The following FBLN7 variants were observed in gnomAD, a reference collection of about 807,000 sequenced individuals.
The protein encoded by FBLN7 is fibulin 7.
In FBLN7, 31 loss-of-function variants were observed where a neutral mutation model predicts 44.0. The observed-to-expected ratio is 0.70, with a 90% CI of 0.53 to 0.95. The LOEUF (loss-of-function observed/expected upper bound fraction) is 0.95, where lower values mean the gene tolerates loss of function less well. FBLN7 is among the 40% of genes least tolerant of loss of function. The probability of loss-of-function intolerance (pLI) is 0.00; values close to 1 mark genes in which losing one functional copy is unlikely to be tolerated. For missense variants in FBLN7, 573 were observed against 618.5 expected (o/e 0.93, Z 0.78); for synonymous variants, 262 against 253.4 (o/e 1.03, Z -0.32).
rs908255596 is a variant in FBLN7 at position 112,143,841 on chromosome 2, G to A, written c.75+5111G>A. Among the ~76,000 whole-genome samples the A allele has an allele frequency of 7.2e-5, 11 of 152,060 alleles. No individual in the cohort carries two copies. The East Asian group carries it at 7.8e-4, about 11-fold the overall frequency. ...CAAGCAATCCTCCCATCTCAGCCTCGTAAAGTGCTGGGATTATAGCTGTGA... is the reference window on the plus strand; with the variant it reads ...CAAGCAATCCTCCCATCTCAGCCTCATAAAGTGCTGGGATTATAGCTGTGA... On this transcript the variant is annotated intron_variant, in intron 1 of 7. Transcript: ENST00000331203.
intron 1 of FBLN7, among the ~76,000 whole-genome samples, chr2:112,139,747 T>C (rs550720218): frequency 2.1e-3 from 8 of 3,800 alleles, no homozygotes; most frequent in African/African-American, 3.2e-3. Context: ...TCTCTCCAGG[T>C]CAGTGTCCCT....
chr2:112,144,774 C>G (rs1192869064), intron 1 of FBLN7, among the ~76,000 whole-genome samples: 2 of 152,174 alleles, frequency 1.3e-5, no homozygotes, highest in Non-Finnish European at 2.9e-5. Flanking sequence ...ATCCACCCGC[C>G]TCGGCCTCCC....
intron 1 of FBLN7, among the ~76,000 whole-genome samples, chr2:112,154,668 C>G (rs1681326841): frequency 6.6e-6 from 1 of 152,208 alleles, no homozygotes; most frequent in South Asian, 2.1e-4. Flanking sequence ...GGCTTCCTGT[C>G]CATCCCATAG....
intron 2 of FBLN7, among the ~76,000 whole-genome samples, chr2:112,160,682 G>A (rs62158708): frequency 7.4e-6 from 1 of 134,462 alleles, no homozygotes; most frequent in Non-Finnish European, 1.6e-5. Flanking sequence ...ACACGCAGAC[G>A]CACGCACACG....
intron 1 of FBLN7, among the ~76,000 whole-genome samples, chr2:112,156,043 G>A (rs1681400277): frequency 6.6e-6 from 1 of 152,188 alleles, no homozygotes; most frequent in African/African-American, 2.4e-5. Context: ...TAGCGCAGGA[G>A]GCAGCTGTTC....
At chr2:112,159,373 TAGAG>T (rs766131821) in intron 1 of FBLN7, among the ~76,000 whole-genome samples, 9 of 152,196 alleles carry the variant, frequency 5.9e-5, no homozygotes, top group Non-Finnish European at 1.0e-4. Flanking sequence ...AGTGAAGAAT[TAGAG>T]AGAATCTCTC....
At chr2:112,242,849 T>C in the FBLN7 span, among the ~76,000 whole-genome samples, 1 of 152,234 alleles carries the variant, frequency 6.6e-6, no homozygotes, top group Non-Finnish European at 1.5e-5. Context: ...TCCACAGATC[T>C]TTCCAAAAAT....
chr2:112,234,091 A>T, the FBLN7 span: 1 of 1,263,626 alleles, frequency 7.9e-7, no homozygotes, highest in Non-Finnish European at 1.1e-6. Context: ...TTTACATTTT[A>T]GTAGATTTTT....
In FBLN7 at chr2:112,182,983, C is replaced by G. The variant is rs572352470; in HGVS notation, c.808+55C>G. 2.3e-5 allele frequency: 36 copies of G among 1,590,656 alleles called. No homozygotes were observed. In the East Asian group the frequency reaches 7.7e-4, roughly 34 times the overall value. ...CCCAGCCACCTGCTGCTGTGCTGAA[C>G]CCCCAGGACCTCACAGTCGGGAGTG... On this transcript the variant is annotated intron_variant, in intron 6 of 7. Coordinates refer to ENST00000331203, the MANE Select transcript of FBLN7 (RefSeq NM_153214.3).
the FBLN7 span, chr2:112,240,420 T>G: frequency 7.2e-5 from 11 of 152,342 alleles, no homozygotes; most frequent in African/African-American, 2.6e-4. Context: ...CCAAAAAGAT[T>G]ATTCAGTATG....
chr2:112,199,875 G>C, the FBLN7 span, among the ~76,000 whole-genome samples: 1 of 152,174 alleles, frequency 6.6e-6, no homozygotes, highest in African/African-American at 2.4e-5. Flanking sequence ...TGGCTCTCCT[G>C]CTGTTGCCCT....
rs200869048 is a variant in FBLN7, at chr2:112,162,917, TA to T, written c.236-2075del. The stretch of plus-strand genomic sequence containing the variant: ...CTTTAACGCAATAAAGTACTAGATG[TA>T]AAAAAAAAGAACTATAAAGTAATTT... On this transcript the variant is annotated intron_variant, in intron 2 of 7. Transcript: ENST00000331203. Among the ~76,000 whole-genome samples the T allele has an allele frequency of 7.9e-5, 12 of 151,246 alleles. No homozygotes were observed. In the East Asian group the frequency reaches 1.5e-3, roughly 20 times the overall value.
chr2:112,238,642 G>A, the FBLN7 span: 1 of 764,676 alleles, frequency 1.3e-6, no homozygotes, highest in Non-Finnish European at 2.1e-6. Context: ...GTGGGTAATA[G>A]GTACATGGGA....
Position 112,187,631 on chromosome 2 carries a change from T to G in FBLN7, c.*125T>G. ...CGCCCTCTCACCAGTGCACCCAGGC[T>G]TCTAGGGCAGCGTTGCACGGCGCCC... On this transcript the variant is annotated 3_prime_UTR_variant, in exon 8 of 8. Coordinates refer to ENST00000331203, the MANE Select transcript of FBLN7 (RefSeq NM_153214.3). This position sits in a 1 kb window ranked among gnomAD's most constrained non-coding sequence, Gnocchi z 5.1. 1 of 1,365,854 alleles carries G rather than the reference T, an allele frequency of 7.3e-7. No homozygotes were observed. 84.6% of individuals were successfully genotyped at this position (1,365,854 alleles called of 1,614,324 possible).
the FBLN7 span, among the ~76,000 whole-genome samples, chr2:112,204,527 T>C: frequency 2.0e-5 from 3 of 151,760 alleles, no homozygotes; most frequent in Non-Finnish European, 2.9e-5. Context: ...GGTCAAACTG[T>C]TGAAAGTCAA....
chr2:112,210,646 A>G, the FBLN7 span, among the ~76,000 whole-genome samples: 1 of 108,254 alleles, frequency 9.2e-6, no homozygotes, highest in Non-Finnish European at 1.8e-5. Flanking sequence ...ACAGAGTGAG[A>G]CTCTGTCTCA....
Position 112,165,069 on chromosome 2 carries a change from G to C in FBLN7, c.304G>C (p.Glu102Gln). ...KFGSKYLVDH[E>Q]VHFTCNPGFR... ...TGGAAGCAAGTACTTAGTGGATCAC[G>C]AAGTCCATTTTACCTGCAACCCTGG... is the stretch of plus-strand genomic sequence containing the variant. Residue 102 changes from glutamate (E) to glutamine (Q), a missense_variant, in exon 3 of 8, where the codon GAA becomes CAA. Glu to Gln is a conservative substitution (Grantham distance 29, BLOSUM62 2). Coordinates refer to ENST00000331203, the MANE Select transcript of FBLN7 (RefSeq NM_153214.3). 2 of 1,614,154 alleles carry C rather than the reference G, an allele frequency of 1.2e-6. No individual in the cohort carries two copies. The highest frequency in any genetic ancestry group is 1.7e-6 in the Non-Finnish European group (2 of 1,180,022).
the FBLN7 span, among the ~76,000 whole-genome samples, chr2:112,202,803 G>A: frequency 6.6e-6 from 1 of 152,140 alleles, no homozygotes; most frequent in Non-Finnish European, 1.5e-5. Context: ...GTACCTACTA[G>A]TCACTGGAGT....
chr2:112,219,611 TTTC>T, the FBLN7 span, among the ~76,000 whole-genome samples: 7 of 152,200 alleles, frequency 4.6e-5, no homozygotes, highest in Non-Finnish European at 7.3e-5. Flanking sequence ...GATTTCTACT[TTTC>T]TTGCACAGTG....
Sources: gnomAD v4.1 joint callset for allele counts (sites outside exome capture counted in the v4.1 genomes callset) on GRCh38, gnomAD v4.1.1 for gene constraint, Gnocchi (gnomAD v3.1) non-coding constraint, MANE v1.5 for transcripts, NCBI Gene and HGNC (gene_info 2026-07-23, HGNC 2026-07-21) for gene names.